Variants in LPA observed in about 807,000 individuals in gnomAD.
LPA encodes apolipoprotein(a).
In LPA, 199 loss-of-function variants were observed where a neutral mutation model predicts 197.9. The ratio of observed to expected loss-of-function variants is 1.01; its 90% CI spans 0.90 to 1.13. The LOEUF is 1.13. Among genes scored for constraint, LPA ranks in the 50% most tolerant of loss-of-function variants. The pLI, the probability that LPA is intolerant of heterozygous loss-of-function variation, is 0.00. For missense variants in LPA, 1,853 were observed against 1,785.8 expected (o/e 1.04, Z -0.68); for synonymous variants, 715 against 639.5 (o/e 1.12, Z -1.78).
At chr6:160,587,794 TGTG>T (rs1778941967) in intron 24 of LPA, among the ~76,000 whole-genome samples, 2 of 120,794 alleles carry the variant, frequency 1.7e-5, no homozygotes, top group Non-Finnish European at 3.4e-5. Flanking sequence ...TGTGTGTGTG[TGTG>T]TGTTTCTGTC....
chr6:160,536,839 C>G (rs946185095), intron 37 of LPA, among the ~76,000 whole-genome samples: 1 of 152,108 alleles, frequency 6.6e-6, no homozygotes, highest in Non-Finnish European at 1.5e-5. Flanking sequence ...AAAAGGGAAG[C>G]CTACTTTGAA....
intron 28 of LPA, among the ~76,000 whole-genome samples, chr6:160,569,502 A>C (rs1778523760): frequency 6.7e-6 from 1 of 150,224 alleles, no homozygotes; most frequent in African/African-American, 2.4e-5. Context: ...TAAAGACTTA[A>C]ATGTTAGACC....
intron 18 of LPA, among the ~76,000 whole-genome samples, chr6:160,602,380 T>A (rs1266526593): frequency 6.6e-6 from 1 of 152,188 alleles, no homozygotes; most frequent in Non-Finnish European, 1.5e-5. Flanking sequence ...GTGGATAAGG[T>A]AAGAAACTTA....
At chr6:160,608,304 C>T (rs1200096859) in intron 16 of LPA, among the ~76,000 whole-genome samples, 1 of 152,084 alleles carries the variant, frequency 6.6e-6, no homozygotes, top group Non-Finnish European at 1.5e-5. Context: ...TGGGGCAGTG[C>T]ACAACATACA....
chr6:160,609,481 T>C (rs1310356996), intron 16 of LPA, among the ~76,000 whole-genome samples: 1 of 152,180 alleles, frequency 6.6e-6, no homozygotes, highest in Non-Finnish European at 1.5e-5. Context: ...TATCCTTGCC[T>C]TGTTACCTTT....
At chr6:160,609,553 C>T (rs1336538240) in intron 16 of LPA, among the ~76,000 whole-genome samples, 2 of 151,896 alleles carry the variant, frequency 1.3e-5, no homozygotes, top group African/African-American at 4.8e-5. Context: ...TATTTGATCC[C>T]TTTAGTTTCA....
chr6:160,532,586 T>C lies in LPA; in HGVS notation c.5906A>G (p.Asn1969Ser). The change falls in exon 38 of 39, where the codon AAT (asparagine) becomes AGT (serine). Residue 1969 changes from asparagine (N) to serine (S), a missense_variant. Transcript: ENST00000316300. ...CTCAGCACAAATATACTTATAGTGA[T>C]TGCACACTTCATTCTCAATAACAAG... ...QLLVIENEVCNHYKYICAEHL... is the reference protein window; with the variant it reads ...QLLVIENEVCSHYKYICAEHL... 3 of 1,613,642 alleles carry C rather than the reference T, an allele frequency of 1.9e-6. No individual in the cohort carries two copies. Among genetic ancestry groups the C allele is most frequent in the South Asian group, 2.2e-5 (2 of 91,060 alleles).
chr6:160,609,890 T>C (rs1212709524), intron 16 of LPA, among the ~76,000 whole-genome samples: 2 of 152,058 alleles, frequency 1.3e-5, no homozygotes, highest in Non-Finnish European at 2.9e-5. Context: ...TGGTTAATTT[T>C]TTCTTCTGAA....
At chr6:160,599,180 A>C (rs977607427) in intron 20 of LPA, among the ~76,000 whole-genome samples, 26 of 152,128 alleles carry the variant, frequency 1.7e-4, no homozygotes, top group Non-Finnish European at 3.7e-4. Context: ...TGTCTCTACT[A>C]AAAATACAAA....
At chr6:160,593,744 T>C (rs41271040) in intron 22 of LPA, among the ~76,000 whole-genome samples, 2,243 of 152,284 alleles carry the variant, frequency 0.015, 50 homozygotes, top group African/African-American at 0.052. Flanking sequence ...CACCTTCAAA[T>C]ATCCTCCTGC....
intron 26 of LPA, among the ~76,000 whole-genome samples, chr6:160,582,158 GT>G (rs1253299091): frequency 6.6e-6 from 1 of 151,662 alleles, no homozygotes; most frequent in Non-Finnish European, 1.5e-5. Flanking sequence ...AGCTTGCTGG[GT>G]TTTTTTCCTT....
At chr6:160,540,837 C>A (rs928858696) in intron 35 of LPA, among the ~76,000 whole-genome samples, 1 of 152,192 alleles carries the variant, frequency 6.6e-6, no homozygotes, top group African/African-American at 2.4e-5. Flanking sequence ...CTCTGTCCTG[C>A]GGTTTATACA....
intron 17 of LPA, 71 bp from the exon 18 acceptor site, chr6:160,605,276 C>T: frequency 1.3e-6 from 2 of 1,565,716 alleles, no homozygotes. Context: ...CCACTTATGG[C>T]ACAAACCAGA....
rs764069644 is a variant in LPA at position 160,532,619 on chromosome 6, G to T, written c.5873C>A (p.Ala1958Asp). 3 of 1,611,758 alleles carry T rather than the reference G, an allele frequency of 1.9e-6. No individual in the cohort carries two copies. The highest frequency in any genetic ancestry group is 1.6e-4 in the Middle Eastern group (1 of 6,062). ...GTFGTGLLKEAQLLVIENEVC... is the reference protein window; with the variant it reads ...GTFGTGLLKEDQLLVIENEVC... Reference sequence around the variant, plus strand: ...TTCATTCTCAATAACAAGGAGCTGGGCTTCCTTGAGAAGGCCAGTCCCAAA... The same window carrying T: ...TTCATTCTCAATAACAAGGAGCTGGTCTTCCTTGAGAAGGCCAGTCCCAAA... The change falls in exon 38 of 39, where the codon GCC becomes GAC. Residue 1958 changes from alanine (A) to aspartate (D), a missense_variant. Transcript: ENST00000316300.
chr6:160,606,340 G>A (rs2115060906), intron 17 of LPA, 137 bp downstream of exon 17: 3 of 1,312,916 alleles, frequency 2.3e-6, no homozygotes, highest in Non-Finnish European at 3.2e-6. Context: ...AGTGCACGGA[G>A]GCTTCCTCCT....
At chr6:160,591,600 T>C (rs755487397) in intron 22 of LPA, among the ~76,000 whole-genome samples, 44 of 152,192 alleles carry the variant, frequency 2.9e-4, no homozygotes, top group Non-Finnish European at 5.6e-4. Context: ...TCACATACAG[T>C]TTTTCTTGAT....
At chr6:160,648,151 T>C (rs1360545117) in intron 2 of LPA, among the ~76,000 whole-genome samples, 1 of 152,220 alleles carries the variant, frequency 6.6e-6, no homozygotes. Context: ...ATTACTTTAA[T>C]GTTATTCTTT....
At chr6:160,566,232 G>GTGTC (rs1778451877) in intron 28 of LPA, among the ~76,000 whole-genome samples, 1 of 152,000 alleles carries the variant, frequency 6.6e-6, no homozygotes, top group African/African-American at 2.4e-5. Context: ...ATAATTGTCA[G>GTGTC]ATTCACCAGA....
intron 31 of LPA, 109 bp downstream of exon 31, chr6:160,548,369 T>C (rs905552643): frequency 7.1e-6 from 8 of 1,123,030 alleles, no homozygotes; most frequent in Non-Finnish European, 1.1e-5. Context: ...CGAGCTCCCG[T>C]GTAGCACTAA....
Sources: allele counts gnomAD v4.1 joint callset (sites outside exome capture counted in the v4.1 genomes callset), GRCh38; gene constraint gnomAD v4.1.1; transcripts MANE v1.5; gene names NCBI Gene and HGNC (gene_info 2026-07-23, HGNC 2026-07-21).